NECAB3: variants seen among roughly 807,000 people sequenced by gnomAD.
NECAB3 encodes the protein N-terminal EF-hand calcium binding protein 3, also known as N-terminal EF-hand calcium-binding protein 3.
In NECAB3, 38 loss-of-function variants were observed where a neutral mutation model predicts 57.2. The ratio of observed to expected loss-of-function variants is 0.66; its 90% confidence interval spans 0.51 to 0.87. The LOEUF (loss-of-function observed/expected upper bound fraction) is 0.87. Ranked by LOEUF, NECAB3 falls within the 40% of genes least tolerant of loss-of-function variation. The pLI, the probability that NECAB3 is intolerant of heterozygous loss-of-function variation, is 0.00. For missense variants in NECAB3, 474 were observed against 527.5 expected, an observed-to-expected ratio of 0.90 and a Z score of 0.99; for synonymous variants, 223 against 222.6, an observed-to-expected ratio of 1.00 and a Z score of -0.02.
At chr20:33,667,570 G>A in intron 5 of NECAB3, 3 of 1,558,968 alleles carry the variant, frequency 1.9e-6, no homozygotes, top group South Asian at 2.3e-5. Context: ...GGCGGGCGCG[G>A]GCGTGTGCCA....
At chr20:33,659,184 T>C (rs1239624917) in intron 8 of NECAB3, among the ~76,000 whole-genome samples, 3 of 152,098 alleles carry the variant, frequency 2.0e-5, no homozygotes, top group Non-Finnish European at 2.9e-5. Flanking sequence ...CATCCTCTTC[T>C]CCCTGTCTCC....
intron 5 of NECAB3, chr20:33,662,515 G>A (rs1396267715): frequency 1.9e-6 from 3 of 1,543,782 alleles, no homozygotes; most frequent in African/African-American, 1.4e-5. Context: ...GGCAGCTGGG[G>A]GGCAGAGAAA....
chr20:33,667,319 G>T, intron 5 of NECAB3: 5 of 794,090 alleles, frequency 6.3e-6, no homozygotes, highest in Non-Finnish European at 8.7e-6. Flanking sequence ...ATCAAGCACG[G>T]CGTGGTGGCG....
intron 5 of NECAB3, among the ~76,000 whole-genome samples, chr20:33,665,912 G>T (rs1440600422): frequency 6.6e-6 from 1 of 152,068 alleles, no homozygotes; most frequent in African/African-American, 2.4e-5. Context: ...GCGAAACCCT[G>T]TCTCCACTAA....
At chr20:33,663,693 G>A (rs2017560530) in intron 5 of NECAB3, 1 of 1,573,410 alleles carries the variant, frequency 6.4e-7, no homozygotes, top group South Asian at 1.1e-5. Context: ...TGCCGGTACT[G>A]CTGCTGCTGC....
At chr20:33,658,876 A>G in intron 8 of NECAB3, 42 bp from the exon 9 acceptor site, 1 of 1,464,684 alleles carries the variant, frequency 6.8e-7, no homozygotes, top group Non-Finnish European at 9.5e-7. Flanking sequence ...GGGGCCGGGC[A>G]CAGGGGAGGG....
intron 8 of NECAB3, 36 bp downstream of exon 8, chr20:33,659,461 C>T (rs1172016590): frequency 5.5e-5 from 79 of 1,431,086 alleles, no homozygotes; most frequent in Non-Finnish European, 7.1e-5. Flanking sequence ...CCCCCAGACA[C>T]GGCCATCCAG....
intron 1 of NECAB3, among the ~76,000 whole-genome samples, chr20:33,672,942 C>T (rs901607908): frequency 6.6e-6 from 1 of 152,172 alleles, no homozygotes; most frequent in African/African-American, 2.4e-5. Flanking sequence ...TCTCTGCAGG[C>T]GCCTGAGTTA....
chr20:33,674,420 T>G lies in NECAB3; in HGVS notation c.-68A>C. On this transcript the variant is annotated 5_prime_UTR_variant, in exon 1 of 12. Transcript: ENST00000246190. ...CCTGGACGCCGCGGCGGACTCGGTG[T>G]GGCTAGAGGCCGCCCCTTGGCGCCG... 6.4e-6 allele frequency: 7 copies of G among 1,095,684 alleles called. No individual in the cohort carries two copies. The highest frequency in any genetic ancestry group is 7.8e-6 in the Non-Finnish European group (7 of 901,432). 67.9% of individuals were successfully genotyped at this position (1,095,684 alleles called of 1,614,324 possible).
At chr20:33,662,544 A>G in intron 5 of NECAB3, 2 of 1,501,850 alleles carry the variant, frequency 1.3e-6, no homozygotes, top group South Asian at 2.5e-5. Flanking sequence ...AGTGGGTGGG[A>G]AGGGATGCTG....
chr20:33,675,022 TAA>T (rs1331576611), upstream of NECAB3, among the ~76,000 whole-genome samples: 2 of 151,866 alleles, frequency 1.3e-5, no homozygotes, highest in Non-Finnish European at 2.9e-5. Flanking sequence ...GAATAAAGCT[TAA>T]GACTGAACGC....
At chr20:33,668,408 T>G in intron 5 of NECAB3, 1 of 877,658 alleles carries the variant, frequency 1.1e-6, no homozygotes, top group South Asian at 3.2e-5. Context: ...ACCCTCATTT[T>G]GAACTGCAGT....
chr20:33,671,558 G>A (rs1601176182), intron 2 of NECAB3, among the ~76,000 whole-genome samples: 1 of 152,152 alleles, frequency 6.6e-6, no homozygotes, highest in East Asian at 1.9e-4. Flanking sequence ...GTCTCTAGGA[G>A]GATGAAACAC....
rs771179131 is a variant in NECAB3 at position 33,658,774 on chromosome 20, G to C, written c.940C>G (p.Arg314Gly). The change falls in exon 9 of 12, where the codon CGA becomes GGA. Residue 314 changes from arginine (R) to glycine (G), a missense_variant. Coordinates refer to ENST00000246190, the MANE Select transcript of NECAB3 (RefSeq NM_031232.4). ...VAEEGLQDFH[R>G]ALRCYVDFTG... ...AAGTCCACATAGCAGCGCAGGGCTC[G>C]GTGGAAGTCCTGCAGGCCTTCCTCT... 3 of 1,613,462 alleles carry C rather than the reference G, an allele frequency of 1.9e-6. No homozygotes were observed. The highest frequency in any genetic ancestry group is 1.7e-6 in the Non-Finnish European group (2 of 1,179,980).
Position 33,657,877 on chromosome 20 carries a change from G to A in NECAB3, c.1163-20C>T, listed in dbSNP as rs1161272454. ...AGGAGGCTGGGGGTCAGAGGCAGGG[G>A]GTCAGGAGCCCTCAGGAGCCCACTG... On this transcript the variant is annotated intron_variant, in intron 11 of 11. Coordinates refer to ENST00000246190, the MANE Select transcript of NECAB3 (RefSeq NM_031232.4). 4 of 1,545,932 alleles carry A rather than the reference G, an allele frequency of 2.6e-6. No individual in the cohort carries two copies. The highest frequency in any genetic ancestry group is 3.5e-6 in the Non-Finnish European group (4 of 1,143,516).
intron 5 of NECAB3, chr20:33,663,514 C>A (rs570613367): frequency 1.0e-5 from 16 of 1,604,708 alleles, no homozygotes; most frequent in Non-Finnish European, 1.4e-5. Flanking sequence ...CCGCCTCACG[C>A]CCCTGTTCCA....
At chr20:33,670,026 G>C (rs543240664) in intron 3 of NECAB3, among the ~76,000 whole-genome samples, 1 of 152,342 alleles carries the variant, frequency 6.6e-6, no homozygotes, top group East Asian at 1.9e-4. Context: ...GGGAAGCCAG[G>C]TGCAAGGCAA....
At position 33,667,618 on chromosome 20, in the gene NECAB3, G is replaced by A. The variant is rs767388001; in HGVS notation, c.387+1757C>T. 3 of 1,596,580 alleles carry A rather than the reference G, an allele frequency of 1.9e-6. No homozygotes were observed. The Admixed American group carries it at 5.2e-5, about 28-fold the overall frequency. On this transcript the variant is annotated intron_variant, in intron 5 of 11. Coordinates refer to ENST00000246190, the MANE Select transcript of NECAB3 (RefSeq NM_031232.4). ...CTACGCGGGTCACTCGTGGCACCAG[G>A]CCACCTTCCGACTGAACGTGGCAGG... is the stretch of plus-strand genomic sequence containing the variant.
rs17124890 is a variant in NECAB3 at position 33,659,615 on chromosome 20, G to A, written c.761C>T (p.Pro254Leu). Reference protein sequence around the residue: ...AVGPGPHKGGPSWYPPEPGPC... With the variant: ...AVGPGPHKGGLSWYPPEPGPC... ...GCCTGGCTCTGGTGGATACCAGGAG[G>A]GTCCTCCCTTGTGGGGCCCTGGCCC... Residue 254 changes from proline to leucine, a missense_variant, in exon 8 of 12, where the codon CCC becomes CTC. Coordinates refer to ENST00000246190, the MANE Select transcript of NECAB3 (RefSeq NM_031232.4). 3.0e-3 allele frequency: 4,796 copies of A among 1,609,244 alleles called. 118 individuals carry two copies. The African/African-American group carries it at 0.056, about 19-fold the overall frequency.
Sources: gnomAD v4.1 joint callset for allele counts (sites outside exome capture counted in the v4.1 genomes callset) on GRCh38, gnomAD v4.1.1 for gene constraint, MANE v1.5 for transcripts, NCBI Gene and HGNC (gene_info 2026-07-23, HGNC 2026-07-21) for gene names.